The following ACSS3 variants were observed in gnomAD, a reference collection of about 807,000 sequenced individuals.
ACSS3 encodes the protein acyl-CoA synthetase short-chain family member 3, mitochondrial.
A neutral mutation model predicts 84.2 loss-of-function variants in ACSS3; 64 were observed. That is an observed-to-expected ratio of 0.76 (90% CI 0.62 to 0.94). The LOEUF is 0.94. ACSS3 is among the 40% of genes least tolerant of loss of function. The probability of loss-of-function intolerance (pLI) is 0.00; values close to 1 mark genes in which losing one functional copy is unlikely to be tolerated. For missense variants in ACSS3, 815 were observed against 867.6 expected, an observed-to-expected ratio of 0.94 and a Z score of 0.76; for synonymous variants, 317 against 310.1, an observed-to-expected ratio of 1.02 and a Z score of -0.23.
At chr12:81,178,283 G>T (rs1316528391) in intron 8 of ACSS3, among the ~76,000 whole-genome samples, 2 of 147,076 alleles carry the variant, frequency 1.4e-5, no homozygotes, top group Admixed American at 6.9e-5. Flanking sequence ...ATGGACACAG[G>T]AAGGGGAACA....
chr12:81,179,485 C>T (rs1408988117), intron 8 of ACSS3, among the ~76,000 whole-genome samples: 1 of 151,866 alleles, frequency 6.6e-6, no homozygotes, highest in Non-Finnish European at 1.5e-5. Context: ...ATTCAACAAA[C>T]AAAAACCAAA....
chr12:81,230,721 A>C (rs1438704679), intron 11 of ACSS3, among the ~76,000 whole-genome samples: 1 of 151,912 alleles, frequency 6.6e-6, no homozygotes, highest in Non-Finnish European at 1.5e-5. Context: ...TAGTTTTCTA[A>C]GAAAGTAATT....
chr12:81,211,956 C>T (rs1364510145), intron 9 of ACSS3, among the ~76,000 whole-genome samples: 1 of 152,124 alleles, frequency 6.6e-6, no homozygotes, highest in Non-Finnish European at 1.5e-5. Context: ...AGGTATGAAC[C>T]GACCTCAGGA....
At chr12:81,254,824 A>G (rs1405793393) in intron 15 of ACSS3, 33 bp from the exon 16 acceptor site, 2 of 1,506,778 alleles carry the variant, frequency 1.3e-6, no homozygotes, top group African/African-American at 2.8e-5. Context: ...AATTCAAGGA[A>G]GAGTATTCAC....
chr12:81,205,207 C>A (rs2032293457), intron 9 of ACSS3, among the ~76,000 whole-genome samples: 1 of 152,064 alleles, frequency 6.6e-6, no homozygotes. Context: ...TTCAGTCATG[C>A]CAGCTCCTAA....
In ACSS3 at chr12:81,078,238, C is replaced by T; in HGVS notation, c.118C>T (p.Pro40Ser). 1 of 1,604,022 alleles carries T rather than the reference C, an allele frequency of 6.2e-7. No individual in the cohort carries two copies. The highest frequency in any genetic ancestry group is 8.5e-7 in the Non-Finnish European group (1 of 1,177,300). ...AGAALRALVVPGPRGGLGGRG... is the reference protein window; with the variant it reads ...AGAALRALVVSGPRGGLGGRG... The stretch of plus-strand genomic sequence containing the variant: ...TGCGGCCCTCAGGGCTTTAGTGGTC[C>T]CGGGCCCGCGGGGCGGTCTCGGGGG... The change falls in exon 1 of 16, where the codon CCG (proline) becomes TCG (serine). Residue 40 changes from proline to serine, a missense_variant. Transcript: ENST00000548058.
chr12:81,153,945 T>G (rs559639073), intron 7 of ACSS3, among the ~76,000 whole-genome samples: 1 of 152,224 alleles, frequency 6.6e-6, no homozygotes, highest in Non-Finnish European at 1.5e-5. Flanking sequence ...TACACTTTTG[T>G]ATCATGCTTT....
At chr12:81,165,945 A>G (rs144785504) in intron 7 of ACSS3, among the ~76,000 whole-genome samples, 1 of 152,328 alleles carries the variant, frequency 6.6e-6, no homozygotes, top group African/African-American at 2.4e-5. Flanking sequence ...CACTTTTTAT[A>G]CATTGTTTTA....
chr12:81,107,543 T>A (rs1226608051), intron 1 of ACSS3, among the ~76,000 whole-genome samples: 1 of 120,320 alleles, frequency 8.3e-6, no homozygotes, highest in Non-Finnish European at 1.7e-5. Context: ...TATATATATA[T>A]ATATATATAT....
intron 2 of ACSS3, among the ~76,000 whole-genome samples, chr12:81,114,294 T>G (rs567608847): frequency 4.1e-4 from 63 of 152,224 alleles, no homozygotes; most frequent in African/African-American, 1.5e-3. Flanking sequence ...GTTGTAACTA[T>G]AAAGGTCAAA....
chr12:81,225,246 T>G (rs2033234542), intron 11 of ACSS3, among the ~76,000 whole-genome samples: 1 of 151,882 alleles, frequency 6.6e-6, no homozygotes, highest in Non-Finnish European at 1.5e-5. Flanking sequence ...CCCCTTTTCT[T>G]TAGGAATATT....
At chr12:81,201,601 G>A (rs1364774296) in intron 9 of ACSS3, among the ~76,000 whole-genome samples, 1 of 152,166 alleles carries the variant, frequency 6.6e-6, no homozygotes, top group South Asian at 2.1e-4. Context: ...TTTCTTTAAT[G>A]TATTGTTCCA....
intron 2 of ACSS3, among the ~76,000 whole-genome samples, chr12:81,119,423 G>A (rs1884366772): frequency 6.6e-6 from 1 of 152,116 alleles, no homozygotes; most frequent in Non-Finnish European, 1.5e-5. Context: ...GAACCGGTCT[G>A]ACCTCAAATT....
At chr12:81,186,541 G>A (rs1156585800) in intron 8 of ACSS3, among the ~76,000 whole-genome samples, 1 of 151,646 alleles carries the variant, frequency 6.6e-6, no homozygotes, top group African/African-American at 2.4e-5. Flanking sequence ...ATCAAAAAAT[G>A]GGCAAAATAC....
At chr12:81,086,511 A>T (rs1485784791) in intron 1 of ACSS3, among the ~76,000 whole-genome samples, 1 of 152,208 alleles carries the variant, frequency 6.6e-6, no homozygotes, top group African/African-American at 2.4e-5. Flanking sequence ...CTGCAATTAC[A>T]TAAGCAAGGA....
intron 3 of ACSS3, 68 bp from the exon 4 acceptor site, chr12:81,139,063 C>A: frequency 6.6e-7 from 1 of 1,509,332 alleles, no homozygotes; most frequent in South Asian, 1.2e-5. Context: ...CAGTCTGCAA[C>A]TAAAATATTG....
chr12:81,078,000 C>A (rs1434171583), upstream of ACSS3: 53 of 1,218,126 alleles, frequency 4.4e-5, no homozygotes, highest in Non-Finnish European at 5.7e-5. Flanking sequence ...GGCTTCCAAA[C>A]TTCTGGGCTC....
At chr12:81,117,605 G>T (rs1408605476) in intron 2 of ACSS3, among the ~76,000 whole-genome samples, 1 of 152,118 alleles carries the variant, frequency 6.6e-6, no homozygotes, top group Non-Finnish European at 1.5e-5. Flanking sequence ...GTGAGGTTAG[G>T]TGAGTATCCA....
chr12:81,114,582 C>T (rs945960275), intron 2 of ACSS3, among the ~76,000 whole-genome samples: 4 of 152,032 alleles, frequency 2.6e-5, no homozygotes, highest in African/African-American at 9.7e-5. Context: ...TATCTGTTTC[C>T]TTTCCTTAAA....
Sources: allele counts gnomAD v4.1 joint callset (sites outside exome capture counted in the v4.1 genomes callset), GRCh38; gene constraint gnomAD v4.1.1; transcripts MANE v1.5; gene names NCBI Gene and HGNC (gene_info 2026-07-23, HGNC 2026-07-21).